Variants in GCLC observed in about 807,000 individuals in gnomAD.
The protein encoded by GCLC is glutamate--cysteine ligase catalytic subunit.
A neutral mutation model predicts 81.5 loss-of-function variants in GCLC; 30 were observed. The observed-to-expected ratio is 0.37, with a 90% confidence interval of 0.28 to 0.50. The LOEUF (loss-of-function observed/expected upper bound fraction) is 0.50. GCLC is among the 20% of genes least tolerant of loss of function. The probability of loss-of-function intolerance (pLI) is 0.96; values close to 1 mark genes in which losing one functional copy is unlikely to be tolerated. For synonymous variants in GCLC, 262 were observed against 273.3 expected (o/e 0.96, Z 0.41); for missense variants, 556 against 777.4 (o/e 0.72, Z 3.39).
At position 53,544,800 on chromosome 6, in the gene GCLC, G is replaced by A. The variant is rs1281975217; in HGVS notation, c.-155C>T. On this transcript the variant is annotated 5_prime_UTR_variant, in exon 1 of 16. Coordinates refer to ENST00000650454, the MANE Select transcript of GCLC (RefSeq NM_001498.4). Reference sequence around the variant, plus strand: ...AGTCGGCGGAGGGAGGGTCCTGCCCGCTCCGGCTCCCCGGCGGCGGCCCCT... The same window carrying A: ...AGTCGGCGGAGGGAGGGTCCTGCCCACTCCGGCTCCCCGGCGGCGGCCCCT... The A allele has an allele frequency of 3.2e-6, 2 of 620,034 alleles. No homozygotes were observed. Among genetic ancestry groups the A allele is most frequent in the African/African-American group, 2.0e-5 (1 of 50,740 alleles). The allele number at this position is 620,034 out of a possible 1,614,324, so 38.4% of individuals were successfully genotyped here. A position where few individuals can be genotyped will look rare whatever the true frequency, so the allele number is the denominator to read the frequency against.
At chr6:53,541,582 C>T (rs1440774419) in intron 1 of GCLC, among the ~76,000 whole-genome samples, 2 of 151,938 alleles carry the variant, frequency 1.3e-5, no homozygotes, top group Non-Finnish European at 2.9e-5. Flanking sequence ...TTACTCCCCA[C>T]TCCAAAAGAC....
chr6:53,537,757 C>G (rs888393251), intron 1 of GCLC, among the ~76,000 whole-genome samples: 2 of 151,456 alleles, frequency 1.3e-5, no homozygotes, highest in Non-Finnish European at 2.9e-5. Context: ...ACCAAAAAAC[C>G]CTACATATGT....
chr6:53,504,896 C>T (rs1314142399), intron 12 of GCLC, among the ~76,000 whole-genome samples: 2 of 152,218 alleles, frequency 1.3e-5, no homozygotes, highest in Non-Finnish European at 2.9e-5. Context: ...TTCACCTCCT[C>T]AGCTACTGCT....
chr6:53,505,257 G>A (rs1764590933), intron 12 of GCLC, 135 bp downstream of exon 12: 5 of 672,730 alleles, frequency 7.4e-6, no homozygotes, highest in Non-Finnish European at 1.3e-5. Context: ...ATAAAGAATA[G>A]GGCTGATGGA....
chr6:53,542,495 G>A (rs1348849993), intron 1 of GCLC, among the ~76,000 whole-genome samples: 2 of 151,818 alleles, frequency 1.3e-5, no homozygotes, highest in African/African-American at 4.8e-5. Flanking sequence ...CAACAGGAGA[G>A]GCCTTTTTTA....
intron 6 of GCLC, among the ~76,000 whole-genome samples, chr6:53,512,229 G>A (rs1288279671): frequency 6.6e-6 from 1 of 152,116 alleles, no homozygotes; most frequent in Non-Finnish European, 1.5e-5. Context: ...ACAGGCATGA[G>A]CCACCGTGCC....
At chr6:53,500,590 T>C (rs1764492104) in intron 12 of GCLC, 77 bp from the exon 13 acceptor site, 5 of 994,332 alleles carry the variant, frequency 5.0e-6, no homozygotes, top group Non-Finnish European at 8.0e-6. Context: ...TTCCTCACCT[T>C]TGCAATTAGG....
intron 1 of GCLC, among the ~76,000 whole-genome samples, chr6:53,528,240 G>A (rs1186925726): frequency 6.6e-6 from 1 of 152,156 alleles, no homozygotes; most frequent in African/African-American, 2.4e-5. Context: ...TTCTAATACA[G>A]ATGTAATAAA....
At chr6:53,504,594 G>C (rs1371988642) in intron 12 of GCLC, among the ~76,000 whole-genome samples, 1 of 152,148 alleles carries the variant, frequency 6.6e-6, no homozygotes, top group East Asian at 1.9e-4. Flanking sequence ...CTTTGGTCTG[G>C]GTGTGAGGAG....
At chr6:53,504,905 C>G (rs1702118144) in intron 12 of GCLC, among the ~76,000 whole-genome samples, 1 of 152,218 alleles carries the variant, frequency 6.6e-6, no homozygotes, top group Non-Finnish European at 1.5e-5. Context: ...TCAGCTACTG[C>G]TCCACAACCC....
At chr6:53,501,957 C>T (rs1422465628) in intron 12 of GCLC, among the ~76,000 whole-genome samples, 1 of 152,188 alleles carries the variant, frequency 6.6e-6, no homozygotes, top group Non-Finnish European at 1.5e-5. Context: ...GACATCAGCT[C>T]TGCCAGCATG....
At chr6:53,503,971 T>C (rs1393544212) in intron 12 of GCLC, among the ~76,000 whole-genome samples, 1 of 152,188 alleles carries the variant, frequency 6.6e-6, no homozygotes, top group Non-Finnish European at 1.5e-5. Flanking sequence ...CTATAATACT[T>C]GTTTTATGGA....
At chr6:53,528,689 TTAAAA>T (rs1279105441) in intron 1 of GCLC, among the ~76,000 whole-genome samples, 1 of 152,196 alleles carries the variant, frequency 6.6e-6, no homozygotes, top group Admixed American at 6.5e-5. Context: ...CTTTTAGAAA[TTAAAA>T]TAAATGTGGC....
Position 53,498,564 on chromosome 6 carries a change from T to G in GCLC, c.*192A>C. ...AAATACATTGTTAATCAAAAATACT[T>G]TACTATGTACATGTACACTGTATAA... On this transcript the variant is annotated 3_prime_UTR_variant, in exon 16 of 16. Coordinates refer to ENST00000650454, the MANE Select transcript of GCLC (RefSeq NM_001498.4). 1 of 596,164 alleles carries G rather than the reference T, an allele frequency of 1.7e-6. No individual in the cohort carries two copies. Among genetic ancestry groups the G allele is most frequent in the Non-Finnish European group, 3.0e-6 (1 of 333,806 alleles). 36.9% of individuals were successfully genotyped at this position (596,164 alleles called of 1,614,324 possible).
intron 6 of GCLC, chr6:53,513,473 GC>G (rs1253566439): frequency 1.3e-5 from 2 of 152,198 alleles, no homozygotes; most frequent in Admixed American, 6.5e-5. Flanking sequence ...CTTAATATCA[GC>G]CCTTCTTTCA....
chr6:53,498,662 A>C lies in GCLC; in HGVS notation c.*94T>G. 1.2e-6 allele frequency: 1 copy of C among 835,664 alleles called. No individual in the cohort carries two copies. Among genetic ancestry groups the C allele is most frequent in the Non-Finnish European group, 2.1e-6 (1 of 478,120 alleles). The allele number at this position is 835,664 out of a possible 1,614,324, so 51.8% of individuals were successfully genotyped here. On this transcript the variant is annotated 3_prime_UTR_variant, in exon 16 of 16. Coordinates refer to ENST00000650454, the MANE Select transcript of GCLC (RefSeq NM_001498.4). ...CTGGCCCAGAAAACAGTACAGTTCT[A>C]TCATTTGGTCTTCATATTATACACA... is the stretch of plus-strand genomic sequence containing the variant.
At chr6:53,503,347 T>C (rs1419739067) in intron 12 of GCLC, 1 of 152,228 alleles carries the variant, frequency 6.6e-6, no homozygotes, top group Non-Finnish European at 1.5e-5. Flanking sequence ...TACATTCCTG[T>C]TGTTTATAAG....
At chr6:53,504,884 C>T (rs567786150) in intron 12 of GCLC, among the ~76,000 whole-genome samples, 5 of 152,162 alleles carry the variant, frequency 3.3e-5, no homozygotes, top group East Asian at 3.9e-4. Context: ...AAACCAAAGG[C>T]GTTCACCTCC....
At chr6:53,500,790 CCT>C in intron 12 of GCLC, 6 of 482,846 alleles carry the variant, frequency 1.2e-5, no homozygotes, top group Non-Finnish European at 2.3e-5. Context: ...TTTCAAAGCA[CCT>C]CTGTGACTGA....
Sources: gnomAD v4.1 joint callset for allele counts (sites outside exome capture counted in the v4.1 genomes callset) on GRCh38, gnomAD v4.1.1 for gene constraint, MANE v1.5 for transcripts, NCBI Gene and HGNC (gene_info 2026-07-23, HGNC 2026-07-21) for gene names.